ADCY8: variants seen among roughly 807,000 people sequenced by gnomAD.
The protein encoded by ADCY8 is adenylate cyclase type 8.
In ADCY8, 51 loss-of-function variants were observed where a neutral mutation model predicts 119.7. The ratio of observed to expected loss-of-function variants is 0.43; its 90% CI spans 0.34 to 0.54. The LOEUF (loss-of-function observed/expected upper bound fraction) is 0.54. Among genes scored for constraint, ADCY8 ranks in the 20% least tolerant of loss-of-function variants. The pLI, the probability that ADCY8 is intolerant of heterozygous loss-of-function variation, is 0.03. For missense variants in ADCY8, 1,383 were observed against 1,598.8 expected, an observed-to-expected ratio of 0.87 and a Z score of 2.30; for synonymous variants, 665 against 651.0, an observed-to-expected ratio of 1.02 and a Z score of -0.33.
At chr8:130,886,298 C>T (rs1818980513) in intron 7 of ADCY8, among the ~76,000 whole-genome samples, 1 of 152,002 alleles carries the variant, frequency 6.6e-6, no homozygotes. Context: ...CATGTAATTT[C>T]AGCTCTGAGT....
intron 1 of ADCY8, among the ~76,000 whole-genome samples, chr8:131,018,659 T>A (rs1461612842): frequency 1.3e-5 from 2 of 152,226 alleles, no homozygotes; most frequent in Admixed American, 6.5e-5. Context: ...CACTCCTATA[T>A]AAGACACATG....
chr8:130,787,307 T>C (rs1815277859), intron 15 of ADCY8, among the ~76,000 whole-genome samples: 1 of 152,102 alleles, frequency 6.6e-6, no homozygotes, highest in Admixed American at 6.6e-5. Context: ...GGGTTAGGGA[T>C]GGAGTCAGAT....
intron 2 of ADCY8, among the ~76,000 whole-genome samples, chr8:130,967,221 T>G (rs1457522752): frequency 6.6e-6 from 1 of 152,198 alleles, no homozygotes; most frequent in East Asian, 1.9e-4. Context: ...CCTGAAGTCA[T>G]ATTCTGTAGG....
At chr8:130,929,162 T>C (rs944660282) in intron 5 of ADCY8, among the ~76,000 whole-genome samples, 1 of 152,158 alleles carries the variant, frequency 6.6e-6, no homozygotes, top group Non-Finnish European at 1.5e-5. Flanking sequence ...TCTGTCCTGA[T>C]TTTTATTATT....
intron 5 of ADCY8, among the ~76,000 whole-genome samples, chr8:130,913,689 TA>T (rs1328279813): frequency 2.6e-4 from 40 of 152,210 alleles, no homozygotes; most frequent in African/African-American, 8.9e-4. Context: ...GAATGAAAAA[TA>T]AACATAAAGT....
At chr8:130,979,515 TGGAAG>T (rs892988075) in intron 2 of ADCY8, among the ~76,000 whole-genome samples, 7 of 152,096 alleles carry the variant, frequency 4.6e-5, no homozygotes, top group Non-Finnish European at 7.4e-5. Context: ...CGTGCCCATG[TGGAAG>T]GGAGGGCTAG....
rs537175852 is a variant in ADCY8 at position 131,017,875 on chromosome 8, C to T, written c.960+21499G>A. ...GAGCAGACCAGGTTAGCAGCCTGCT[C>T]AGCTCTTGGAAGTTAAGAAACCTTT... On this transcript the variant is annotated intron_variant, in intron 1 of 17. Transcript: ENST00000286355. Among the ~76,000 whole-genome samples the T allele has an allele frequency of 7.2e-5, 11 of 152,222 alleles. No homozygotes were observed. In the South Asian group the frequency reaches 8.3e-4, roughly 11 times the overall value.
intron 15 of ADCY8, among the ~76,000 whole-genome samples, chr8:130,800,006 C>T (rs1490754615): frequency 6.6e-6 from 1 of 152,228 alleles, no homozygotes; most frequent in Non-Finnish European, 1.5e-5. Flanking sequence ...TATGTTTGTA[C>T]TTGCAATTAG....
At chr8:130,963,106 TTTC>T (rs1325345952) in intron 2 of ADCY8, among the ~76,000 whole-genome samples, 1 of 151,050 alleles carries the variant, frequency 6.6e-6, no homozygotes, top group Admixed American at 6.6e-5. Flanking sequence ...AGCCCGTGTT[TTTC>T]TTTCTTTTTT....
At chr8:130,880,663 T>C (rs1369451) in intron 8 of ADCY8, among the ~76,000 whole-genome samples, 58,457 of 152,000 alleles carry the variant, frequency 0.38, 11,617 homozygotes, top group East Asian at 0.64. Flanking sequence ...GTCCTGATGA[T>C]TGGCTGGGTA....
intron 1 of ADCY8, among the ~76,000 whole-genome samples, chr8:131,026,877 A>C (rs1332396563): frequency 1.3e-5 from 2 of 152,148 alleles, no homozygotes; most frequent in Non-Finnish European, 2.9e-5. Context: ...CATCTCTTCA[A>C]CAACCTCCTG....
intron 4 of ADCY8, among the ~76,000 whole-genome samples, chr8:130,941,281 T>A (rs780342652): frequency 2.2e-4 from 33 of 152,178 alleles, no homozygotes; most frequent in Non-Finnish European, 4.1e-4. Flanking sequence ...CTGCTATGCA[T>A]TCACATGTGA....
At chr8:131,033,219 C>T (rs1824048338) in intron 1 of ADCY8, among the ~76,000 whole-genome samples, 2 of 152,140 alleles carry the variant, frequency 1.3e-5, no homozygotes, top group Admixed American at 6.6e-5. Flanking sequence ...AATAGACACA[C>T]TTGTGAAATG....
At chr8:130,846,216 G>A (rs906997579) in intron 11 of ADCY8, among the ~76,000 whole-genome samples, 4 of 152,024 alleles carry the variant, frequency 2.6e-5, no homozygotes, top group African/African-American at 9.7e-5. Context: ...CCTAGGTATG[G>A]GGTTGGCTGG....
chr8:130,836,532 C>T (rs1047672679), intron 11 of ADCY8, 83 bp from the exon 12 acceptor site: 3 of 1,435,778 alleles, frequency 2.1e-6, no homozygotes, highest in African/African-American at 1.4e-5. Flanking sequence ...AGGTCTTACA[C>T]ACATTTGCAG....
In ADCY8 at chr8:130,851,145, A is replaced by G. The variant is rs186536290; in HGVS notation, c.2211-1342T>C. ...CTTTTATGGTTTCATCATAATATTTATTTATTCAACAAGTCTTCTTCCCAG... is the reference window on the plus strand; with the variant it reads ...CTTTTATGGTTTCATCATAATATTTGTTTATTCAACAAGTCTTCTTCCCAG... On this transcript the variant is annotated intron_variant, in intron 9 of 17. Coordinates refer to ENST00000286355, the MANE Select transcript of ADCY8 (RefSeq NM_001115.3). Among the ~76,000 whole-genome samples, 7 of 152,290 alleles carry G rather than the reference A, an allele frequency of 4.6e-5. No homozygotes were observed. In the East Asian group the frequency reaches 9.6e-4, roughly 21 times the overall value.
At chr8:130,804,989 T>C (rs796535590) in intron 14 of ADCY8, among the ~76,000 whole-genome samples, 9 of 152,258 alleles carry the variant, frequency 5.9e-5, no homozygotes, top group African/African-American at 2.2e-4. Context: ...TCCAGCGATC[T>C]ACCCACCTAG....
intron 4 of ADCY8, 88 bp downstream of exon 4, chr8:130,943,263 G>T: frequency 2.2e-6 from 2 of 924,550 alleles, no homozygotes; most frequent in East Asian, 2.6e-5. Context: ...ATGACATTGG[G>T]GAAGAAGGCT....
intron 1 of ADCY8, among the ~76,000 whole-genome samples, chr8:131,032,640 C>T (rs1324920899): frequency 6.6e-6 from 1 of 152,152 alleles, no homozygotes; most frequent in East Asian, 1.9e-4. Context: ...ATCTATTCTG[C>T]ATTCTTCCTC....
Sources: gnomAD v4.1 joint callset for allele counts (sites outside exome capture counted in the v4.1 genomes callset) on GRCh38, gnomAD v4.1.1 for gene constraint, MANE v1.5 for transcripts, NCBI Gene and HGNC (gene_info 2026-07-23, HGNC 2026-07-21) for gene names.